The following USP14 variants were observed in gnomAD, a reference collection of about 807,000 sequenced individuals.
USP14 encodes the protein ubiquitin carboxyl-terminal hydrolase 14.
In USP14, 38 loss-of-function variants were observed where a neutral mutation model predicts 76.5. The ratio of observed to expected loss-of-function variants is 0.50; its 90% CI spans 0.38 to 0.65. USP14 has a LOEUF of 0.65. Ranked by LOEUF, USP14 falls within the 30% of genes least tolerant of loss-of-function variation. The pLI is 0.00. For missense variants in USP14, 467 were observed against 586.5 expected (o/e 0.80, Z 2.10); for synonymous variants, 192 against 191.7 (o/e 1.00, Z -0.01).
intron 7 of USP14, 142 bp downstream of exon 7, chr18:196,909 A>C: frequency 9.5e-7 from 1 of 1,052,660 alleles, no homozygotes; most frequent in Admixed American, 2.6e-5. Context: ...CTGGAGCCGC[A>C]CAGTAGTCTT....
At position 212,601 on chromosome 18, in the gene USP14, CA is replaced by C. The variant is rs1052433180; in HGVS notation, c.*1328del. ...CCTGGGTGACAGAGAGACTCTGTCTCAAAAAAAAAAAGAAAAAATTCCCAAA... is the reference window on the plus strand; with the variant it reads ...CCTGGGTGACAGAGAGACTCTGTCTCAAAAAAAAAAGAAAAAATTCCCAAA... On this transcript the variant is annotated 3_prime_UTR_variant, in exon 16 of 16. Transcript: ENST00000261601. 39 of 131,740 alleles carry C rather than the reference CA, an allele frequency of 3.0e-4. No homozygotes were observed. The highest frequency in any genetic ancestry group is 4.4e-4 in the East Asian group (2 of 4,584). The allele number at this position is 131,740 out of a possible 1,614,324, so 8.2% of individuals were successfully genotyped here. A position where few individuals can be genotyped will look rare whatever the true frequency, so the allele number is the denominator to read the frequency against.
intron 5 of USP14, among the ~76,000 whole-genome samples, chr18:183,602 T>C (rs1909844692): frequency 6.6e-6 from 1 of 152,126 alleles, no homozygotes; most frequent in African/African-American, 2.4e-5. Context: ...AGTTCTGTCT[T>C]ACATTTTACT....
At chr18:201,406 T>C (rs1427087273) in intron 10 of USP14, among the ~76,000 whole-genome samples, 5 of 152,204 alleles carry the variant, frequency 3.3e-5, no homozygotes, top group Admixed American at 2.0e-4. Flanking sequence ...ATTATGTTGA[T>C]AAACAAGATG....
chr18:206,901 T>A (rs1266398223), intron 13 of USP14, among the ~76,000 whole-genome samples: 1 of 152,142 alleles, frequency 6.6e-6, no homozygotes, highest in Non-Finnish European at 1.5e-5. Context: ...GTCCATGCCC[T>A]CAGAGATTTA....
chr18:208,197 A>T (rs955449922), intron 13 of USP14, among the ~76,000 whole-genome samples: 1 of 152,038 alleles, frequency 6.6e-6, no homozygotes, highest in Non-Finnish European at 1.5e-5. Context: ...ATATAGGGCT[A>T]TTCAAATGAT....
chr18:196,348 C>G (rs1174232746), intron 6 of USP14, among the ~76,000 whole-genome samples: 1 of 151,296 alleles, frequency 6.6e-6, no homozygotes, highest in African/African-American at 2.4e-5. Flanking sequence ...GAAACCCCAT[C>G]TCTACTAAAA....
chr18:162,079 T>C (rs2144204797), intron 1 of USP14, among the ~76,000 whole-genome samples: 1 of 152,330 alleles, frequency 6.6e-6, no homozygotes, highest in South Asian at 2.1e-4. Flanking sequence ...GTTTCTTTCC[T>C]TTTTAAGGTT....
chr18:192,494 G>A (rs1910117546), intron 5 of USP14, among the ~76,000 whole-genome samples: 1 of 152,176 alleles, frequency 6.6e-6, no homozygotes, highest in East Asian at 1.9e-4. Flanking sequence ...GAACCCAGGA[G>A]GTAGAGGTTG....
intron 5 of USP14, among the ~76,000 whole-genome samples, chr18:181,955 A>G (rs1404269509): frequency 6.6e-6 from 1 of 152,132 alleles, no homozygotes; most frequent in African/African-American, 2.4e-5. Context: ...CAGTTCTTCC[A>G]GTATCATTTG....
At chr18:169,608 T>G (rs1464270887) in intron 3 of USP14, among the ~76,000 whole-genome samples, 2 of 152,108 alleles carry the variant, frequency 1.3e-5, no homozygotes, top group Non-Finnish European at 2.9e-5. Context: ...CCCTCTTAAA[T>G]ATTATGATTG....
chr18:192,421 G>A (rs921235851), intron 5 of USP14, among the ~76,000 whole-genome samples: 1 of 152,046 alleles, frequency 6.6e-6, no homozygotes, highest in African/African-American at 2.4e-5. Context: ...AAAATTAGCT[G>A]GGCATGATGG....
chr18:208,502 A>G (rs1242457780), intron 13 of USP14, among the ~76,000 whole-genome samples: 2 of 151,820 alleles, frequency 1.3e-5, no homozygotes, highest in African/African-American at 4.8e-5. Context: ...TATTTCCTTT[A>G]TTCTGCTTGC....
Position 202,806 on chromosome 18 carries a change from A to G in USP14, c.877-74A>G, listed in dbSNP as rs1007595922. 5.5e-6 allele frequency: 8 copies of G among 1,456,222 alleles called. No individual in the cohort carries two copies. The Admixed American group carries it at 1.4e-4, about 26-fold the overall frequency. 90.2% of individuals were successfully genotyped at this position (1,456,222 alleles called of 1,614,324 possible). A position where few individuals can be genotyped will look rare whatever the true frequency, so the allele number is the denominator to read the frequency against. Reference sequence around the variant, plus strand: ...GGTAGTGCTAGTTTTTAAAAGGCTTACTGGTGTGATTCTATATTGCAGAAA... The same window carrying G: ...GGTAGTGCTAGTTTTTAAAAGGCTTGCTGGTGTGATTCTATATTGCAGAAA... On this transcript the variant is annotated intron_variant, in intron 10 of 15. Transcript: ENST00000261601.
intron 13 of USP14, 117 bp downstream of exon 13, chr18:204,809 G>C: frequency 1.0e-6 from 1 of 986,880 alleles, no homozygotes; most frequent in Non-Finnish European, 1.4e-6. Context: ...ACTTTGTATA[G>C]TATTATTTGG....
At chr18:160,302 C>A (rs910729171) in intron 1 of USP14, among the ~76,000 whole-genome samples, 1 of 151,828 alleles carries the variant, frequency 6.6e-6, no homozygotes, top group Non-Finnish European at 1.5e-5. Context: ...GAAACTGGGT[C>A]TCAAGAAAAG....
chr18:171,627 G>C (rs189936720), intron 3 of USP14, among the ~76,000 whole-genome samples: 4 of 152,242 alleles, frequency 2.6e-5, no homozygotes, highest in Non-Finnish European at 2.9e-5. Context: ...TTGTTTTCCT[G>C]TCTGCTACAA....
chr18:197,156 T>G (rs532753073), intron 7 of USP14, among the ~76,000 whole-genome samples: 1 of 152,322 alleles, frequency 6.6e-6, no homozygotes, highest in South Asian at 2.1e-4. Flanking sequence ...TCAAGTGCCC[T>G]CTTCCTGCAG....
At chr18:192,933 G>C (rs1296336693) in intron 6 of USP14, 33 bp downstream of exon 6, 1 of 1,554,788 alleles carries the variant, frequency 6.4e-7, no homozygotes, top group African/African-American at 1.4e-5. Flanking sequence ...TTTTTGATAG[G>C]AGTAAGACAT....
intron 3 of USP14, among the ~76,000 whole-genome samples, chr18:173,601 G>T (rs1237712153): frequency 6.6e-6 from 1 of 151,118 alleles, no homozygotes; most frequent in East Asian, 2.0e-4. Context: ...TTTTTAGTAT[G>T]TTGTTGGTCA....
Sources: allele counts gnomAD v4.1 joint callset (sites outside exome capture counted in the v4.1 genomes callset), GRCh38; gene constraint gnomAD v4.1.1; transcripts MANE v1.5; gene names NCBI Gene and HGNC (gene_info 2026-07-23, HGNC 2026-07-21).